MAP3K13: variants seen among roughly 807,000 people sequenced by gnomAD.
MAP3K13 encodes leucine zipper-bearing kinase.
Under a neutral mutation model 104.0 loss-of-function variants are expected in MAP3K13, and 52 were observed. The observed-to-expected ratio is 0.50, with a 90% CI of 0.40 to 0.63. The LOEUF is 0.63. Among genes scored for constraint, MAP3K13 ranks in the 20% least tolerant of loss-of-function variants. The probability of loss-of-function intolerance (pLI) is 0.00; values close to 1 mark genes in which losing one functional copy is unlikely to be tolerated. For synonymous variants in MAP3K13, 394 were observed against 442.2 expected (o/e 0.89, Z 1.37); for missense variants, 914 against 1,218.5 (o/e 0.75, Z 3.72).
intron 8 of MAP3K13, among the ~76,000 whole-genome samples, chr3:185,464,698 G>C (rs1027066911): frequency 3.9e-5 from 6 of 152,160 alleles, no homozygotes; most frequent in African/African-American, 1.4e-4. Context: ...AACAGACTAA[G>C]ACAATCACAG....
At chr3:185,412,441 G>A (rs1713504855) in intron 1 of MAP3K13, among the ~76,000 whole-genome samples, 1 of 152,034 alleles carries the variant, frequency 6.6e-6, no homozygotes, top group Non-Finnish European at 1.5e-5. Context: ...ATTGGGAGTA[G>A]AAATTGAAAC....
intron 1 of MAP3K13, among the ~76,000 whole-genome samples, chr3:185,422,428 T>G (rs764012597): frequency 3.9e-5 from 6 of 152,222 alleles, no homozygotes; most frequent in African/African-American, 2.4e-5. Flanking sequence ...ATCTCTTAAA[T>G]ATCAAACGCG....
intron 2 of MAP3K13, among the ~76,000 whole-genome samples, chr3:185,334,768 G>A (rs1306083720): frequency 6.6e-6 from 1 of 151,904 alleles, no homozygotes; most frequent in Non-Finnish European, 1.5e-5. Context: ...GCCACCACAC[G>A]TGGCTAATTT....
At chr3:185,362,231 G>A (rs1052857136), upstream of MAP3K13, among the ~76,000 whole-genome samples, 2 of 152,212 alleles carry the variant, frequency 1.3e-5, no homozygotes, top group African/African-American at 4.8e-5. Flanking sequence ...TCATTGTGAA[G>A]TGTAGTGATG....
chr3:185,428,680 T>A lies in MAP3K13; in HGVS notation c.99T>A (p.Ala33=). Reference sequence around the variant, plus strand: ...ATGGACTACAAGATGAGCTCACAGCTATGGGGAACCACCCTTCTCCCAAGC... The same window carrying A: ...ATGGACTACAAGATGAGCTCACAGCAATGGGGAACCACCCTTCTCCCAAGC... The part of the protein sequence containing the change: ...TFNGLQDELT[A]MGNHPSPKLL... The change falls in exon 2 of 14, where the codon GCT becomes GCA. Residue 33 remains alanine, a synonymous_variant. Coordinates refer to ENST00000265026, the MANE Select transcript of MAP3K13 (RefSeq NM_004721.5). 1 of 1,614,090 alleles carries A rather than the reference T, an allele frequency of 6.2e-7. No homozygotes were observed. The highest frequency in any genetic ancestry group is 1.7e-5 in the Admixed American group (1 of 60,012).
intron 11 of MAP3K13, chr3:185,477,014 C>T (rs1577627095): frequency 1.0e-5 from 5 of 490,652 alleles, no homozygotes; most frequent in African/African-American, 3.9e-5. Flanking sequence ...TCCAAGACCT[C>T]CTCTCCAACT....
intron 2 of MAP3K13, among the ~76,000 whole-genome samples, chr3:185,304,229 C>T (rs1046660917): frequency 1.3e-5 from 2 of 152,266 alleles, no homozygotes; most frequent in Middle Eastern, 3.4e-3. Flanking sequence ...TGTCATGTGG[C>T]CTAACGTGTT....
intron 1 of MAP3K13, among the ~76,000 whole-genome samples, chr3:185,370,434 G>A (rs1328338164): frequency 4.0e-5 from 6 of 150,338 alleles, no homozygotes; most frequent in Non-Finnish European, 8.9e-5. Context: ...GACCTCAAGT[G>A]ATCTGCCTGC....
intron 3 of MAP3K13, among the ~76,000 whole-genome samples, chr3:185,442,754 G>A (rs746615650): frequency 2.9e-4 from 44 of 152,056 alleles, no homozygotes; most frequent in Non-Finnish European, 5.4e-4. Context: ...AGCTGGTCTC[G>A]AACTCCTGAC....
At chr3:185,436,135 A>G (rs1305472988) in intron 2 of MAP3K13, among the ~76,000 whole-genome samples, 2 of 152,232 alleles carry the variant, frequency 1.3e-5, no homozygotes, top group Non-Finnish European at 2.9e-5. Context: ...ATTAAAGCAC[A>G]TATTGATTGA....
rs1231946220 is a variant in MAP3K13, at chr3:185,428,590, C to A, written c.9C>A (p.Asn3Lys). Residue 3 changes from asparagine (N) to lysine (K), a missense_variant, in exon 2 of 14, where the codon AAC becomes AAA. Physicochemically the swap from Asn to Lys is moderately conservative, Grantham distance 94 (BLOSUM62 0). Transcript: ENST00000265026. ...GTTATACTCATGGCACGATGGCCAA[C>A]TTTCAGGAGCACCTGAGCTGCTCCT... Reference protein sequence around the residue: MANFQEHLSCSSS... With the variant: MAKFQEHLSCSSS... 6.3e-7 allele frequency: 1 copy of A among 1,585,676 alleles called. No homozygotes were observed. Among genetic ancestry groups the A allele is most frequent in the African/African-American group, 1.3e-5 (1 of 74,124 alleles).
At chr3:185,462,165 A>G (rs543885934) in intron 7 of MAP3K13, among the ~76,000 whole-genome samples, 329 of 152,316 alleles carry the variant, frequency 2.2e-3, no homozygotes, top group African/African-American at 7.8e-3. Context: ...GATGGAAGAT[A>G]GTCTATACAT....
chr3:185,293,844 T>C (rs2108674966), intron 2 of MAP3K13, among the ~76,000 whole-genome samples: 1 of 152,198 alleles, frequency 6.6e-6, no homozygotes, highest in East Asian at 1.9e-4. Flanking sequence ...GAATTTAATA[T>C]CAATTTGACT....
rs1396339153 is a variant in MAP3K13, at chr3:185,454,933, T to G, written c.1278+3538T>G. On this transcript the variant is annotated intron_variant, in intron 7 of 13. Transcript: ENST00000265026. ...ATATATATATGAGATATATATATGATATATATATGAGATATATATGATATA... is the reference window on the plus strand; with the variant it reads ...ATATATATATGAGATATATATATGAGATATATATGAGATATATATGATATA... Among the ~76,000 whole-genome samples, 7 of 65,788 alleles carry G rather than the reference T, an allele frequency of 1.1e-4. No individual in the cohort carries two copies. The East Asian group carries it at 1.3e-3, about 12-fold the overall frequency. 43.2% of individuals were successfully genotyped at this position (65,788 alleles called of 152,430 possible).
intron 1 of MAP3K13, among the ~76,000 whole-genome samples, chr3:185,421,501 A>C (rs529279675): frequency 3.1e-4 from 47 of 152,242 alleles, no homozygotes; most frequent in African/African-American, 1.1e-3. Context: ...CCTGGCTCCC[A>C]TAGTACTTTC....
At chr3:185,383,307 A>G (rs887542718) in intron 1 of MAP3K13, among the ~76,000 whole-genome samples, 4 of 152,046 alleles carry the variant, frequency 2.6e-5, no homozygotes, top group African/African-American at 9.7e-5. Flanking sequence ...ATTGTGAGTA[A>G]TGCCACAATA....
At chr3:185,342,379 A>T (rs1251379348) in intron 2 of MAP3K13, among the ~76,000 whole-genome samples, 1 of 152,226 alleles carries the variant, frequency 6.6e-6, no homozygotes, top group African/African-American at 2.4e-5. Flanking sequence ...TGTCTGTCTT[A>T]TCTATGCCAC....
chr3:185,478,787 G>T (rs1718278454), intron 12 of MAP3K13, among the ~76,000 whole-genome samples: 2 of 151,440 alleles, frequency 1.3e-5, no homozygotes, highest in Admixed American at 6.6e-5. Flanking sequence ...CAGGAGAATT[G>T]CTTGAACCCA....
At chr3:185,379,710 G>C in intron 1 of MAP3K13, among the ~76,000 whole-genome samples, 1 of 152,182 alleles carries the variant, frequency 6.6e-6, no homozygotes, top group African/African-American at 2.4e-5. Flanking sequence ...GAGTCAGCCG[G>C]ATTTCTTTTG....
Sources: gnomAD v4.1 joint callset for allele counts (sites outside exome capture counted in the v4.1 genomes callset) on GRCh38, gnomAD v4.1.1 for gene constraint, MANE v1.5 for transcripts, NCBI Gene and HGNC (gene_info 2026-07-23, HGNC 2026-07-21) for gene names.